The following DENND1B variants were observed in gnomAD, a reference collection of about 807,000 sequenced individuals.
DENND1B encodes DENN domain-containing protein 1B.
A neutral mutation model predicts 90.1 loss-of-function variants in DENND1B; 59 were observed. The observed-to-expected ratio is 0.65, with a 90% CI of 0.53 to 0.81. The LOEUF (loss-of-function observed/expected upper bound fraction) is 0.81, where lower values mean the gene tolerates loss of function less well. DENND1B is among the 40% of genes least tolerant of loss of function. The pLI, the probability that DENND1B is intolerant of heterozygous loss-of-function variation, is 0.00. For synonymous variants in DENND1B, 337 were observed against 324.6 expected, an observed-to-expected ratio of 1.04 and a Z score of -0.41; for missense variants, 862 against 912.6, an observed-to-expected ratio of 0.94 and a Z score of 0.71.
chr1:197,721,391 C>T (rs1318126582), intron 2 of DENND1B, among the ~76,000 whole-genome samples: 1 of 152,016 alleles, frequency 6.6e-6, no homozygotes, highest in Non-Finnish European at 1.5e-5. Flanking sequence ...TTCTAAAAAG[C>T]TCTCAGGTGA....
At chr1:197,568,239 T>C (rs1365588970) in intron 15 of DENND1B, among the ~76,000 whole-genome samples, 2 of 151,786 alleles carry the variant, frequency 1.3e-5, no homozygotes, top group South Asian at 2.1e-4. Flanking sequence ...AGCAAGAAAA[T>C]AATTAAATTT....
intron 10 of DENND1B, among the ~76,000 whole-genome samples, chr1:197,629,250 C>G (rs1679092419): frequency 6.6e-6 from 1 of 152,042 alleles, no homozygotes; most frequent in Non-Finnish European, 1.5e-5. Context: ...CGGCACTATT[C>G]ACAATAGCAA....
At chr1:197,735,642 G>T (rs1662584259) in intron 2 of DENND1B, 2 of 1,614,184 alleles carry the variant, frequency 1.2e-6, no homozygotes, top group Non-Finnish European at 8.5e-7. Context: ...CGCCATGAAG[G>T]TCGAGCTATG....
intron 15 of DENND1B, among the ~76,000 whole-genome samples, chr1:197,564,284 G>T (rs755057397): frequency 6.8e-6 from 1 of 147,724 alleles, no homozygotes; most frequent in African/African-American, 2.5e-5. Flanking sequence ...AATTGATGTG[G>T]CAAATTTCAT....
chr1:197,606,135 A>G (rs1306387915), intron 13 of DENND1B: 10 of 151,204 alleles, frequency 6.6e-5, no homozygotes, highest in Non-Finnish European at 1.5e-4. Flanking sequence ...CCATTAAAAT[A>G]TATACAGAAA....
At chr1:197,732,982 G>C (rs182748236) in intron 2 of DENND1B, among the ~76,000 whole-genome samples, 2 of 152,256 alleles carry the variant, frequency 1.3e-5, no homozygotes, top group East Asian at 3.9e-4. Flanking sequence ...ATTGGAAAGA[G>C]TCTTAATTAT....
intron 6 of DENND1B, among the ~76,000 whole-genome samples, chr1:197,655,953 A>AT (rs894889050): frequency 2.6e-5 from 4 of 152,134 alleles, no homozygotes; most frequent in African/African-American, 9.7e-5. Flanking sequence ...TAGATAGTAC[A>AT]TTATGTGCAG....
At chr1:197,688,069 A>G (rs959396001) in intron 3 of DENND1B, among the ~76,000 whole-genome samples, 5 of 152,152 alleles carry the variant, frequency 3.3e-5, no homozygotes, top group Admixed American at 1.3e-4. Context: ...CTCATTTACT[A>G]TAAGATCAAA....
At chr1:197,727,879 C>T (rs547107411) in intron 2 of DENND1B, among the ~76,000 whole-genome samples, 3 of 152,202 alleles carry the variant, frequency 2.0e-5, no homozygotes, top group African/African-American at 2.4e-5. Flanking sequence ...TCCCAGCTTC[C>T]CTCCTAAAGT....
intron 10 of DENND1B, among the ~76,000 whole-genome samples, chr1:197,627,631 C>T (rs1678892424): frequency 6.6e-6 from 1 of 152,108 alleles, no homozygotes; most frequent in African/African-American, 2.4e-5. Context: ...GACAGGGATG[C>T]CCTCTCTCAC....
At chr1:197,737,087 C>T (rs1486866897) in intron 2 of DENND1B, among the ~76,000 whole-genome samples, 15 of 152,154 alleles carry the variant, frequency 9.9e-5, no homozygotes. Context: ...CTCATCCATT[C>T]CTAACTCTAT....
chr1:197,561,351 T>C (rs902563954), intron 15 of DENND1B, among the ~76,000 whole-genome samples: 2 of 151,924 alleles, frequency 1.3e-5, no homozygotes, highest in African/African-American at 4.8e-5. Flanking sequence ...TTTGACAGTG[T>C]TGATCCCTCC....
intron 2 of DENND1B, chr1:197,735,079 C>T (rs1662516667): frequency 1.0e-6 from 1 of 975,420 alleles, no homozygotes; most frequent in Non-Finnish European, 1.2e-6. Flanking sequence ...AAGAACATTT[C>T]ATAAAACAAT....
chr1:197,770,493 A>C (rs1656294300), intron 2 of DENND1B, among the ~76,000 whole-genome samples: 1 of 151,746 alleles, frequency 6.6e-6, no homozygotes, highest in Non-Finnish European at 1.5e-5. Context: ...ACATGCATAG[A>C]TTGGGTGTTA....
chr1:197,566,754 C>T (rs1356550367), intron 15 of DENND1B, among the ~76,000 whole-genome samples: 2 of 151,298 alleles, frequency 1.3e-5, no homozygotes, highest in Admixed American at 6.6e-5. Context: ...CAACAAATAT[C>T]ATATGGTGCT....
intron 2 of DENND1B, among the ~76,000 whole-genome samples, chr1:197,759,420 A>G (rs564468416): frequency 2.2e-4 from 34 of 151,188 alleles, no homozygotes; most frequent in African/African-American, 7.5e-4. Context: ...AATATATAAT[A>G]AATGAAAAAA....
At chr1:197,624,947 C>T (rs1051277726) in intron 10 of DENND1B, among the ~76,000 whole-genome samples, 2 of 151,564 alleles carry the variant, frequency 1.3e-5, no homozygotes, top group African/African-American at 2.4e-5. Flanking sequence ...TGAAATGAAG[C>T]AAGAAGGGAA....
At chr1:197,735,378 T>A (rs902903856) in intron 2 of DENND1B, 1 of 1,375,446 alleles carries the variant, frequency 7.3e-7, no homozygotes, top group Non-Finnish European at 9.4e-7. Context: ...TTAAACTAAA[T>A]AAAATTTAAA....
intron 3 of DENND1B, among the ~76,000 whole-genome samples, chr1:197,702,719 G>A (rs1248434818): frequency 1.3e-5 from 2 of 152,152 alleles, no homozygotes; most frequent in Admixed American, 6.5e-5. Flanking sequence ...ACATAAAAGA[G>A]ATATGGGCAG....
Sources: allele counts gnomAD v4.1 joint callset (sites outside exome capture counted in the v4.1 genomes callset), GRCh38; gene constraint gnomAD v4.1.1; transcripts MANE v1.5; gene names NCBI Gene and HGNC (gene_info 2026-07-23, HGNC 2026-07-21).